TOR1AIP1: variants seen among roughly 807,000 people sequenced by gnomAD.
TOR1AIP1 encodes the protein torsin-1A-interacting protein 1.
TOR1AIP1 carries 54 observed loss-of-function variants against 63.3 expected under a neutral mutation model. The ratio of observed to expected loss-of-function variants is 0.85; its 90% confidence interval spans 0.69 to 1.07. The LOEUF (loss-of-function observed/expected upper bound fraction) is 1.07, where lower values mean the gene tolerates loss of function less well. Among genes scored for constraint, TOR1AIP1 ranks in the 50% least tolerant of loss-of-function variants. The pLI, the probability that TOR1AIP1 is intolerant of heterozygous loss-of-function variation, is 0.00. For synonymous variants in TOR1AIP1, 294 were observed against 273.5 expected (o/e 1.07, Z -0.74); for missense variants, 736 against 715.0 (o/e 1.03, Z -0.33).
chr1:179,918,178 T>A lies in TOR1AIP1; in HGVS notation c.1691T>A (p.Ile564Asn). The change falls in exon 10 of 10, where the codon ATT (isoleucine) becomes AAT (asparagine). Residue 564 changes from isoleucine (I) to asparagine (N), a missense_variant. Ile to Asn is a moderately radical substitution (Grantham distance 149). Transcript: ENST00000606911. ...AAACTGAATGGCCTCTGGAGCCGTA[T>A]TTCTCACTTAGTTCTGCCTGTGCAA... ...PDKLNGLWSR[I>N]SHLVLPVQPE... The A allele has an allele frequency of 6.2e-7, 1 of 1,611,984 alleles. No individual in the cohort carries two copies. Among genetic ancestry groups the A allele is most frequent in the Non-Finnish European group, 8.5e-7 (1 of 1,180,010 alleles).
chr1:179,903,816 T>C (rs1295869658), intron 5 of TOR1AIP1, 150 bp from the exon 6 acceptor site: 3 of 525,262 alleles, frequency 5.7e-6, no homozygotes, highest in Non-Finnish European at 9.8e-6. Context: ...GCCTAGAAAT[T>C]TTTTAAATAA....
At position 179,917,678 on chromosome 1, in the gene TOR1AIP1, T is replaced by A. The variant is rs1558048411; in HGVS notation, c.1191T>A (p.His397Gln). 3 of 1,614,240 alleles carry A rather than the reference T, an allele frequency of 1.9e-6. No individual in the cohort carries two copies. The highest frequency in any genetic ancestry group is 1.7e-6 in the Non-Finnish European group (2 of 1,180,056). ...GGAGCCAAACATTCCTGGAAAAACA[T>A]CTTAATAGCTCCCATCCTCGGTCTC... Reference protein sequence around the residue: ...WKRSQTFLEKHLNSSHPRSQP... With the variant: ...WKRSQTFLEKQLNSSHPRSQP... The change falls in exon 10 of 10, where the codon CAT becomes CAA. Residue 397 changes from histidine to glutamine, a missense_variant. Physicochemically the swap from His to Gln is conservative, Grantham distance 24. Transcript: ENST00000606911.
At chr1:179,898,685 TGA>T (rs1282399861) in intron 3 of TOR1AIP1, among the ~76,000 whole-genome samples, 1 of 152,080 alleles carries the variant, frequency 6.6e-6, no homozygotes, top group African/African-American at 2.4e-5. Flanking sequence ...GCCAGGAGTT[TGA>T]GACCAGCCTG....
intron 4 of TOR1AIP1, 116 bp downstream of exon 4, chr1:179,900,283 C>A: frequency 1.5e-6 from 1 of 654,294 alleles, no homozygotes; most frequent in Non-Finnish European, 2.6e-6. Context: ...TGGCACATGC[C>A]TGTAGTCTCA....
rs543222749 is a variant in TOR1AIP1 at position 179,917,376 on chromosome 1, T to C, written c.965-76T>C. The C allele has an allele frequency of 3.0e-4, 372 of 1,251,636 alleles. 5 individuals carry two copies. The East Asian group carries it at 7.2e-3, about 24-fold the overall frequency. 77.5% of individuals were successfully genotyped at this position (1,251,636 alleles called of 1,614,324 possible). ...TACCTAATGTTTATAAAGACTGATA[T>C]TGATTTTAAAAGTCACTTGCCCCTG... is the stretch of plus-strand genomic sequence containing the variant. On this transcript the variant is annotated intron_variant, in intron 9 of 9. Coordinates refer to ENST00000606911, the MANE Select transcript of TOR1AIP1 (RefSeq NM_015602.4).
rs747299498 is a variant in TOR1AIP1, at chr1:179,908,670, C to A, written c.904C>A (p.Gln302Lys). 6.2e-7 allele frequency: 1 copy of A among 1,612,144 alleles called. No individual in the cohort carries two copies. Among genetic ancestry groups the A allele is most frequent in the Admixed American group, 1.7e-5 (1 of 59,834 alleles). Residue 302 changes from glutamine (Q) to lysine (K), a missense_variant, in exon 8 of 10, where the codon CAA becomes AAA. Physicochemically the swap from Gln to Lys is moderately conservative, Grantham distance 53. Transcript: ENST00000606911. ...AACTGCAAGAATAAGGACCAGGATG[C>A]AAAGTAAGTAGATAAATCTCTGTTA... ...PQTARIRTRM[Q>K]NDSILKSELG...
chr1:179,912,192 T>C (rs1235244393), intron 8 of TOR1AIP1, among the ~76,000 whole-genome samples: 1 of 151,962 alleles, frequency 6.6e-6, no homozygotes, highest in Non-Finnish European at 1.5e-5. Context: ...AGCTAATTTT[T>C]GTATTTTAGT....
Position 179,901,907 on chromosome 1 carries a change from C to A in TOR1AIP1, c.739+519C>A, listed in dbSNP as rs889206512. 1.3e-4 allele frequency among the ~76,000 whole-genome samples: 19 copies of A among 151,544 alleles called. No homozygotes were observed. The East Asian group carries it at 2.3e-3, about 18-fold the overall frequency. The stretch of plus-strand genomic sequence containing the variant: ...TAATGTTGAACAAGACCCTCCCCCC[C>A]AAAAAAGATAATGCTAAACAAATTT... On this transcript the variant is annotated intron_variant, in intron 5 of 9. Transcript: ENST00000606911.
At chr1:179,884,453 T>C (rs552172002) in intron 1 of TOR1AIP1, among the ~76,000 whole-genome samples, 27 of 152,344 alleles carry the variant, frequency 1.8e-4, no homozygotes, top group African/African-American at 5.5e-4. Context: ...TGAAGTAATA[T>C]ATTTTTGTAA....
At chr1:179,903,930 G>A (rs1353889035) in intron 5 of TOR1AIP1, 36 bp from the exon 6 acceptor site, 9 of 1,400,286 alleles carry the variant, frequency 6.4e-6, no homozygotes, top group Middle Eastern at 1.9e-4. Context: ...CTAAAAGTTG[G>A]ATATTATTTA....
At chr1:179,915,322 C>T (rs978961674) in intron 9 of TOR1AIP1, among the ~76,000 whole-genome samples, 2 of 152,228 alleles carry the variant, frequency 1.3e-5, no homozygotes, top group Admixed American at 1.3e-4. Context: ...CTTTCTTATA[C>T]TTTGAATGGA....
Position 179,918,058 on chromosome 1 carries a change from G to C in TOR1AIP1, c.1571G>C (p.Gly524Ala), listed in dbSNP as rs749562938. 50 of 1,614,214 alleles carry C rather than the reference G, an allele frequency of 3.1e-5. No individual in the cohort carries two copies. The highest frequency in any genetic ancestry group is 4.0e-5 in the Non-Finnish European group (47 of 1,180,042). The change falls in exon 10 of 10, where the codon GGC becomes GCC. Residue 524 changes from glycine to alanine, a missense_variant. Coordinates refer to ENST00000606911, the MANE Select transcript of TOR1AIP1 (RefSeq NM_015602.4). ...LEEETLGTSL[G>A]LKEVEEKVRD... ...GAAGAGACACTTGGAACAAGTCTAG[G>C]CCTAAAGGAAGTTGAAGAAAAAGTA...
At chr1:179,911,427 G>A (rs777155007) in intron 8 of TOR1AIP1, among the ~76,000 whole-genome samples, 12 of 152,168 alleles carry the variant, frequency 7.9e-5, no homozygotes, top group Admixed American at 6.5e-4. Context: ...ATTGTCACCC[G>A]ACGTTAGCAA....
In TOR1AIP1 at chr1:179,884,741, A is replaced by T; in HGVS notation, c.525A>T (p.Lys175Asn). Reference sequence around the variant, plus strand: ...ATTTAAGCCAAACGATCTCAAAGAAAACTGTCAGGAGCATACAAGAGGCTC... The same window carrying T: ...ATTTAAGCCAAACGATCTCAAAGAATACTGTCAGGAGCATACAAGAGGCTC... Reference protein sequence around the residue: ...QTDLSQTISKKTVRSIQEAPV... With the variant: ...QTDLSQTISKNTVRSIQEAPV... The change falls in exon 2 of 10, where the codon AAA becomes AAT. Residue 175 changes from lysine (K) to asparagine (N), a missense_variant. Around this residue, in one of 2 missense-constraint regions of TOR1AIP1, gnomAD observed 464 missense variants for 371.0 expected, o/e 1.25. Transcript: ENST00000606911. 1 of 1,612,526 alleles carries T rather than the reference A, an allele frequency of 6.2e-7. No homozygotes were observed. Among genetic ancestry groups the T allele is most frequent in the South Asian group, 1.1e-5 (1 of 90,696 alleles).
At chr1:179,886,847 A>G (rs777769518) in intron 2 of TOR1AIP1, among the ~76,000 whole-genome samples, 1 of 152,200 alleles carries the variant, frequency 6.6e-6, no homozygotes, top group Non-Finnish European at 1.5e-5. Context: ...AATACTTGGC[A>G]TATTCCCATC....
intron 9 of TOR1AIP1, among the ~76,000 whole-genome samples, chr1:179,915,849 G>A (rs1199253849): frequency 2.0e-5 from 3 of 152,144 alleles, no homozygotes; most frequent in African/African-American, 7.2e-5. Flanking sequence ...ATTTTCACTT[G>A]AAAGCAAATA....
chr1:179,912,507 CCTT>C (rs1326075685), intron 8 of TOR1AIP1, among the ~76,000 whole-genome samples: 1 of 152,120 alleles, frequency 6.6e-6, no homozygotes, highest in African/African-American at 2.4e-5. Context: ...ATTTAGCTGT[CCTT>C]CATCATTAAC....
chr1:179,913,857 T>C, intron 8 of TOR1AIP1, 141 bp from the exon 9 acceptor site: 1 of 737,660 alleles, frequency 1.4e-6, no homozygotes. Context: ...CACTCAGATA[T>C]TCTACTTTTT....
At chr1:179,902,319 C>G (rs1295023543) in intron 5 of TOR1AIP1, among the ~76,000 whole-genome samples, 1 of 152,046 alleles carries the variant, frequency 6.6e-6, no homozygotes, top group East Asian at 1.9e-4. Flanking sequence ...AGCCACGACG[C>G]CTGACCTGTA....
Sources: gnomAD v4.1 joint callset for allele counts (sites outside exome capture counted in the v4.1 genomes callset) on GRCh38, gnomAD v4.1.1 for gene constraint, gnomAD v4.1.1 regional missense constraint, MANE v1.5 for transcripts, NCBI Gene and HGNC (gene_info 2026-07-23, HGNC 2026-07-21) for gene names.